CDH10: variants seen among roughly 807,000 people sequenced by gnomAD.
CDH10 encodes cadherin-10.
CDH10 carries 30 observed loss-of-function variants against 73.1 expected under a neutral mutation model. The observed-to-expected ratio is 0.41, with a 90% confidence interval of 0.31 to 0.56. The LOEUF is 0.56. CDH10 is among the 20% of genes least tolerant of loss of function. CDH10 has a pLI of 0.27. For synonymous variants in CDH10, 345 were observed against 348.2 expected, an observed-to-expected ratio of 0.99 and a Z score of 0.10; for missense variants, 815 against 973.7, an observed-to-expected ratio of 0.84 and a Z score of 2.17.
intron 2 of CDH10, among the ~76,000 whole-genome samples, chr5:24,587,645 T>C (rs558099147): frequency 1.6e-4 from 24 of 152,292 alleles, no homozygotes; most frequent in African/African-American, 5.8e-4. Context: ...TAAAAATCAC[T>C]GACTCCATTT....
intron 5 of CDH10, among the ~76,000 whole-genome samples, chr5:24,533,757 G>GATTATT (rs1743834757): frequency 6.6e-6 from 1 of 151,906 alleles, no homozygotes; most frequent in East Asian, 1.9e-4. Flanking sequence ...AAATATGCAG[G>GATTATT]ATTATTATTG....
At chr5:24,616,547 T>G (rs1000088976) in intron 1 of CDH10, among the ~76,000 whole-genome samples, 2 of 152,064 alleles carry the variant, frequency 1.3e-5, no homozygotes, top group South Asian at 4.1e-4. Flanking sequence ...ATTAGTAGAT[T>G]GCAATTTTTT....
At chr5:24,519,387 A>T (rs1743229314) in intron 5 of CDH10, among the ~76,000 whole-genome samples, 1 of 152,210 alleles carries the variant, frequency 6.6e-6, no homozygotes, top group Non-Finnish European at 1.5e-5. Flanking sequence ...TCTATACTCA[A>T]ACTAAAACCT....
intron 5 of CDH10, among the ~76,000 whole-genome samples, chr5:24,526,012 G>C (rs752822397): frequency 6.6e-6 from 1 of 152,042 alleles, no homozygotes; most frequent in Non-Finnish European, 1.5e-5. Flanking sequence ...CTTTAAATTA[G>C]TCACTCATAA....
At chr5:24,532,077 G>T (rs1038204411) in intron 5 of CDH10, among the ~76,000 whole-genome samples, 10 of 151,994 alleles carry the variant, frequency 6.6e-5, no homozygotes, top group African/African-American at 1.7e-4. Flanking sequence ...GAGAAACATT[G>T]TTATAAATCC....
At chr5:24,507,662 G>T (rs1579732954) in intron 7 of CDH10, among the ~76,000 whole-genome samples, 1 of 151,926 alleles carries the variant, frequency 6.6e-6, no homozygotes, top group East Asian at 1.9e-4. Context: ...AAACACAGAA[G>T]ACAGCCTGCT....
At chr5:24,594,635 A>G (rs542226881) in intron 1 of CDH10, among the ~76,000 whole-genome samples, 1 of 151,732 alleles carries the variant, frequency 6.6e-6, no homozygotes, top group Non-Finnish European at 1.5e-5. Context: ...TACATTTTAC[A>G]TGCTCCCTTC....
chr5:24,490,621 G>C (rs1262820556), intron 11 of CDH10, among the ~76,000 whole-genome samples: 1 of 152,042 alleles, frequency 6.6e-6, no homozygotes, highest in Non-Finnish European at 1.5e-5. Flanking sequence ...GAATGAAGTA[G>C]ACATAATTAA....
At chr5:24,589,845 C>A (rs191940512) in intron 2 of CDH10, among the ~76,000 whole-genome samples, 130 of 151,990 alleles carry the variant, frequency 8.6e-4, no homozygotes, top group African/African-American at 2.9e-3. Flanking sequence ...CGCAATGTTC[C>A]TTGAATTTAA....
chr5:24,584,963 C>A (rs1374733402), intron 2 of CDH10, among the ~76,000 whole-genome samples: 1 of 151,710 alleles, frequency 6.6e-6, no homozygotes, highest in African/African-American at 2.4e-5. Flanking sequence ...CTTTTCACCT[C>A]ACCCTTTCTG....
rs181929881 is a variant in CDH10 at position 24,529,348 on chromosome 5, G to C, written c.814+5764C>G. 3.1e-4 allele frequency among the ~76,000 whole-genome samples: 47 copies of C among 151,930 alleles called. 1 individual carries two copies. The highest frequency in any genetic ancestry group is 1.0e-3 in the African/African-American group (42 of 41,496). On this transcript the variant is annotated intron_variant, in intron 5 of 11. Coordinates refer to ENST00000264463, the MANE Select transcript of CDH10 (RefSeq NM_006727.5). ...TATAATCTTTAGTGTTAATTTGATG[G>C]GAAATATAATGAATTGATGTTGAAA...
intron 2 of CDH10, among the ~76,000 whole-genome samples, chr5:24,551,805 C>A (rs1428344914): frequency 6.6e-6 from 1 of 152,134 alleles, no homozygotes; most frequent in African/African-American, 2.4e-5. Context: ...TATCTATTGG[C>A]ACCAGTATTA....
chr5:24,640,022 T>G (rs190290132), intron 1 of CDH10, among the ~76,000 whole-genome samples: 99 of 151,942 alleles, frequency 6.5e-4, no homozygotes, highest in African/African-American at 2.3e-3. Context: ...AAGAGTTGCT[T>G]TCATTTAAAA....
At position 24,537,631 on chromosome 5, in the gene CDH10, A is replaced by G. The variant is rs747178108; in HGVS notation, c.275T>C (p.Ile92Thr). The change falls in exon 3 of 12, where the codon ATC (isoleucine) becomes ACC (threonine). Residue 92 changes from isoleucine to threonine, a missense_variant. By Grantham distance (89) the Ile-to-Thr change is moderately conservative. Transcript: ENST00000264463. Reference sequence around the variant, plus strand: ...AGTACCAGCTCCATCTCCAGATAAGATATATTTGAGTGATCCATCTCCTTT... The same window carrying G: ...AGTACCAGCTCCATCTCCAGATAAGGTATATTTGAGTGATCCATCTCCTTT... ...QDKGDGSLKY[I>T]LSGDGAGTLF... is the part of the protein sequence containing the mutation. 13 of 1,604,902 alleles carry G rather than the reference A, an allele frequency of 8.1e-6. No individual in the cohort carries two copies. The highest frequency in any genetic ancestry group is 9.4e-6 in the Non-Finnish European group (11 of 1,172,298).
At chr5:24,501,345 T>G (rs1561125704) in intron 8 of CDH10, among the ~76,000 whole-genome samples, 1 of 152,196 alleles carries the variant, frequency 6.6e-6, no homozygotes, top group East Asian at 1.9e-4. Flanking sequence ...CAGGGATGAA[T>G]GTGCTTTGTA....
At chr5:24,541,607 T>C (rs1048407900) in intron 2 of CDH10, among the ~76,000 whole-genome samples, 3 of 152,118 alleles carry the variant, frequency 2.0e-5, no homozygotes, top group Admixed American at 6.6e-5. Flanking sequence ...ATATGACTTA[T>C]ATATTGATTT....
At chr5:24,558,870 A>G (rs1209844747) in intron 2 of CDH10, among the ~76,000 whole-genome samples, 1 of 151,840 alleles carries the variant, frequency 6.6e-6, no homozygotes, top group Non-Finnish European at 1.5e-5. Context: ...ACTTCAACAT[A>G]TATTAGTTAT....
intron 5 of CDH10, among the ~76,000 whole-genome samples, chr5:24,519,046 A>G (rs1300539878): frequency 6.6e-6 from 1 of 151,682 alleles, no homozygotes; most frequent in Non-Finnish European, 1.5e-5. Flanking sequence ...GTGCACCACC[A>G]TGCCTGGCTA....
rs547324334 is a variant in CDH10 at position 24,619,874 on chromosome 5, C to T, written c.-124+24720G>A. Among the ~76,000 whole-genome samples, 20 of 152,290 alleles carry T rather than the reference C, an allele frequency of 1.3e-4. 1 individual carries two copies. The highest frequency in any genetic ancestry group is 4.8e-4 in the African/African-American group (20 of 41,562). On this transcript the variant is annotated intron_variant, in intron 1 of 11. Transcript: ENST00000264463. ...ACCAGAAAGAGGGCCTCGCCGTATA[C>T]TGACTCTGCTCTCCTTCATCTTGGA... is the stretch of plus-strand genomic sequence containing the variant.
Sources: allele counts gnomAD v4.1 joint callset (sites outside exome capture counted in the v4.1 genomes callset), GRCh38; gene constraint gnomAD v4.1.1; transcripts MANE v1.5; gene names NCBI Gene and HGNC (gene_info 2026-07-23, HGNC 2026-07-21).